DIS3L2: variants seen among roughly 807,000 people sequenced by gnomAD.
The protein encoded by DIS3L2 is DIS3-like exonuclease 2.
DIS3L2 carries 34 observed loss-of-function variants against 97.5 expected under a neutral mutation model. That is an observed-to-expected ratio of 0.35 (90% confidence interval 0.27 to 0.46). DIS3L2 has a LOEUF of 0.46. DIS3L2 is among the 20% of genes least tolerant of loss of function. The probability of loss-of-function intolerance (pLI) is 1.00; values close to 1 mark genes in which losing one functional copy is unlikely to be tolerated. For missense variants in DIS3L2, 1,038 were observed against 1,146.0 expected (o/e 0.91, Z 1.36); for synonymous variants, 435 against 445.2 (o/e 0.98, Z 0.29).
At chr2:232,332,806 C>T (rs1443579733) in intron 16 of DIS3L2, among the ~76,000 whole-genome samples, 1 of 152,162 alleles carries the variant, frequency 6.6e-6, no homozygotes, top group Non-Finnish European at 1.5e-5. Flanking sequence ...ACAGAGGTGC[C>T]CGGGTGAAGC....
chr2:231,998,436 C>G (rs1446244261), intron 1 of DIS3L2, among the ~76,000 whole-genome samples: 1 of 152,184 alleles, frequency 6.6e-6, no homozygotes, highest in African/African-American at 2.4e-5. Flanking sequence ...TAAATTTCAA[C>G]ATAAATTTTG....
At chr2:232,187,938 ACCAGCCTGG>A (rs1294442956) in intron 9 of DIS3L2, among the ~76,000 whole-genome samples, 1 of 151,596 alleles carries the variant, frequency 6.6e-6, no homozygotes. Flanking sequence ...GGAGTTGGAG[ACCAGCCTGG>A]CCAACATGGT....
intron 8 of DIS3L2, among the ~76,000 whole-genome samples, chr2:232,159,966 C>CT (rs1307581785): frequency 6.6e-6 from 1 of 152,070 alleles, no homozygotes; most frequent in Non-Finnish European, 1.5e-5. Context: ...GATGTATCAC[C>CT]TTTTTTATAT....
chr2:232,029,837 A>G (rs886523176), intron 4 of DIS3L2, 142 bp from the exon 5 acceptor site: 4 of 598,034 alleles, frequency 6.7e-6, no homozygotes, highest in Non-Finnish European at 1.2e-5. Flanking sequence ...TTAAAAAGGT[A>G]TCAGCATGCT....
intron 19 of DIS3L2, 115 bp from the exon 20 acceptor site, chr2:232,335,657 AG>A: frequency 8.5e-7 from 1 of 1,175,612 alleles, no homozygotes; most frequent in South Asian, 1.5e-5. Context: ...CAGCCAGGCA[AG>A]GGTGGGCCAG....
intron 5 of DIS3L2, among the ~76,000 whole-genome samples, chr2:232,083,915 A>C (rs1696493300): frequency 6.6e-6 from 1 of 152,108 alleles, no homozygotes; most frequent in Admixed American, 6.5e-5. Context: ...TACAGGAAAA[A>C]CCATTAAACC....
At chr2:232,318,620 C>T (rs910133829) in intron 14 of DIS3L2, among the ~76,000 whole-genome samples, 2 of 152,170 alleles carry the variant, frequency 1.3e-5, no homozygotes, top group Admixed American at 6.5e-5. Context: ...GGAAGGCCAG[C>T]GCGGCAGGGT....
intron 13 of DIS3L2, among the ~76,000 whole-genome samples, chr2:232,294,575 T>C (rs1195095969): frequency 6.6e-6 from 1 of 152,028 alleles, no homozygotes; most frequent in East Asian, 1.9e-4. Context: ...TGACTTCTTT[T>C]TGGATCTTGT....
chr2:232,019,141 G>A (rs1403700571), intron 3 of DIS3L2, among the ~76,000 whole-genome samples: 2 of 152,128 alleles, frequency 1.3e-5, no homozygotes, highest in African/African-American at 2.4e-5. Context: ...TCATGATGTC[G>A]GAGTTCCTCT....
intron 5 of DIS3L2, among the ~76,000 whole-genome samples, chr2:232,052,029 CTTT>C (rs879827503): frequency 7.0e-6 from 1 of 141,904 alleles, no homozygotes; most frequent in African/African-American, 2.6e-5. Flanking sequence ...TCTTAATTTC[CTTT>C]TTTTTTTTTG....
At chr2:231,975,690 G>C (rs1239383861) in intron 1 of DIS3L2, among the ~76,000 whole-genome samples, 3 of 130,636 alleles carry the variant, frequency 2.3e-5, no homozygotes, top group Non-Finnish European at 4.7e-5. Flanking sequence ...GGGCGACAGA[G>C]CGAGACTCCG....
intron 8 of DIS3L2, among the ~76,000 whole-genome samples, chr2:232,159,704 C>T (rs1208539313): frequency 1.3e-5 from 2 of 152,114 alleles, no homozygotes; most frequent in Non-Finnish European, 2.9e-5. Flanking sequence ...CTTTCTGCTC[C>T]AAGGGAAAGC....
At chr2:231,972,099 T>C (rs1158628630) in intron 1 of DIS3L2, among the ~76,000 whole-genome samples, 1 of 151,704 alleles carries the variant, frequency 6.6e-6, no homozygotes, top group Admixed American at 6.6e-5. Context: ...GCAGGAGAAT[T>C]GCTTGAACCT....
At chr2:232,320,804 C>T (rs1018558760) in intron 14 of DIS3L2, among the ~76,000 whole-genome samples, 1 of 152,242 alleles carries the variant, frequency 6.6e-6, no homozygotes, top group Admixed American at 6.5e-5. Context: ...CTGCTCAGCT[C>T]TGGGATACAT....
intron 1 of DIS3L2, among the ~76,000 whole-genome samples, chr2:232,013,409 G>T (rs890584798): frequency 6.6e-6 from 1 of 152,162 alleles, no homozygotes; most frequent in Non-Finnish European, 1.5e-5. Context: ...CCTTGCCACT[G>T]CCTCCCTTCA....
chr2:232,264,712 G>A (rs1693810387), intron 13 of DIS3L2, among the ~76,000 whole-genome samples: 1 of 152,228 alleles, frequency 6.6e-6, no homozygotes, highest in Non-Finnish European at 1.5e-5. Context: ...GCCTTGCAAA[G>A]CCTTCTGATT....
intron 1 of DIS3L2, among the ~76,000 whole-genome samples, chr2:232,002,089 A>T (rs72985701): frequency 0.018 from 2,762 of 152,272 alleles, 30 homozygotes; most frequent in Non-Finnish European, 0.021. Flanking sequence ...TTCTTCTGCA[A>T]ATAGAAATCC....
intron 14 of DIS3L2, among the ~76,000 whole-genome samples, chr2:232,321,601 G>A (rs750543512): frequency 2.6e-5 from 4 of 152,158 alleles, no homozygotes; most frequent in African/African-American, 7.2e-5. Flanking sequence ...TGCACAGGGC[G>A]CCTTCGGCAG....
chr2:232,148,591 T>C (rs1386269583), intron 8 of DIS3L2, among the ~76,000 whole-genome samples: 1 of 152,096 alleles, frequency 6.6e-6, no homozygotes, highest in Non-Finnish European at 1.5e-5. Context: ...TTGGAAACCA[T>C]AACTAAAATA....
Sources: allele counts gnomAD v4.1 joint callset (sites outside exome capture counted in the v4.1 genomes callset), GRCh38; gene constraint gnomAD v4.1.1; transcripts MANE v1.5; gene names NCBI Gene and HGNC (gene_info 2026-07-23, HGNC 2026-07-21).